Variants in KCNG3 observed in about 807,000 individuals in gnomAD.
The protein encoded by KCNG3 is voltage-gated potassium channel regulatory subunit KCNG3.
Under a neutral mutation model 29.0 loss-of-function variants are expected in KCNG3, and 15 were observed. The observed-to-expected ratio is 0.52, with a 90% confidence interval of 0.35 to 0.80. KCNG3 has a LOEUF of 0.80. Ranked by LOEUF, KCNG3 falls within the 30% of genes least tolerant of loss-of-function variation. KCNG3 has a pLI of 0.01. For synonymous variants in KCNG3, 322 were observed against 248.9 expected, an observed-to-expected ratio of 1.29 and a Z score of -2.76; for missense variants, 512 against 605.7, an observed-to-expected ratio of 0.85 and a Z score of 1.62.
chr2:42,449,514 C>CTTTT (rs36088470), intron 1 of KCNG3, among the ~76,000 whole-genome samples: 9 of 99,428 alleles, frequency 9.1e-5, no homozygotes, highest in Non-Finnish European at 1.2e-4. Context: ...ACTGAGATTT[C>CTTTT]TTTTTTTTTT....
intron 1 of KCNG3, among the ~76,000 whole-genome samples, chr2:42,468,954 C>CAAA (rs61287684): frequency 1.4e-4 from 8 of 57,082 alleles, no homozygotes; most frequent in African/African-American, 4.3e-4. Context: ...ACTCCGTCTC[C>CAAA]AAAAAAAAAA....
chr2:42,490,708 G>C (rs1383092092), intron 1 of KCNG3, among the ~76,000 whole-genome samples: 1 of 152,298 alleles, frequency 6.6e-6, no homozygotes, highest in South Asian at 2.1e-4. Flanking sequence ...AGTCAAGATC[G>C]GCAGGTTGTC....
chr2:42,429,481 CTT>C, the KCNG3 span, among the ~76,000 whole-genome samples: 2 of 152,328 alleles, frequency 1.3e-5, no homozygotes, highest in African/African-American at 4.8e-5. Context: ...ATTTTCTACT[CTT>C]GAGTATACCA....
chr2:42,481,477 C>T (rs1245316934), intron 1 of KCNG3, among the ~76,000 whole-genome samples: 1 of 152,118 alleles, frequency 6.6e-6, no homozygotes, highest in Non-Finnish European at 1.5e-5. Flanking sequence ...CTTGCAGGAC[C>T]CTGGAGTCTA....
intron 1 of KCNG3, among the ~76,000 whole-genome samples, chr2:42,480,996 G>C (rs991135795): frequency 6.6e-6 from 1 of 152,092 alleles, no homozygotes; most frequent in Non-Finnish European, 1.5e-5. Context: ...GGCCAAGCTG[G>C]TCTCGAACTC....
chr2:42,468,534 C>T (rs1308148310), intron 1 of KCNG3, among the ~76,000 whole-genome samples: 1 of 151,958 alleles, frequency 6.6e-6, no homozygotes, highest in African/African-American at 2.4e-5. Context: ...AGATATAAAT[C>T]TAACAAAAGA....
At chr2:42,451,936 A>G (rs1026141850) in intron 1 of KCNG3, among the ~76,000 whole-genome samples, 7 of 152,034 alleles carry the variant, frequency 4.6e-5, no homozygotes, top group African/African-American at 1.7e-4. Context: ...CAACAAAGAT[A>G]CAATCAAGAG....
chr2:42,487,514 A>AGCATCAATATATGTAAAG (rs1251323557), intron 1 of KCNG3, among the ~76,000 whole-genome samples: 2 of 152,106 alleles, frequency 1.3e-5, no homozygotes, highest in African/African-American at 4.8e-5. Context: ...AAGCAAGATG[A>AGCATCAATATATGTAAAG]ATGACTCCTC....
At chr2:42,461,330 T>C (rs1673013056) in intron 1 of KCNG3, among the ~76,000 whole-genome samples, 1 of 151,878 alleles carries the variant, frequency 6.6e-6, no homozygotes, top group African/African-American at 2.4e-5. Context: ...CTGAACTGGC[T>C]CCATGGACAA....
chr2:42,460,129 T>A (rs1158652559), intron 1 of KCNG3, among the ~76,000 whole-genome samples: 1 of 151,896 alleles, frequency 6.6e-6, no homozygotes, highest in Non-Finnish European at 1.5e-5. Flanking sequence ...TTTGAGAGGT[T>A]GAGGTGGGAG....
chr2:42,492,061 A>G (rs1425431556), intron 1 of KCNG3, among the ~76,000 whole-genome samples: 4 of 152,232 alleles, frequency 2.6e-5, no homozygotes, highest in Admixed American at 6.5e-5. Context: ...AAAGACTGCA[A>G]TATTTTCCCA....
At chr2:42,445,976 C>T (rs966965836) in intron 1 of KCNG3, among the ~76,000 whole-genome samples, 2 of 151,898 alleles carry the variant, frequency 1.3e-5, no homozygotes, top group African/African-American at 4.8e-5. Flanking sequence ...TTCTGCCCAC[C>T]TCAGCCTCCC....
chr2:42,477,029 A>T (rs1673443417), intron 1 of KCNG3, among the ~76,000 whole-genome samples: 1 of 147,436 alleles, frequency 6.8e-6, no homozygotes, highest in African/African-American at 2.5e-5. Context: ...ACTAAAAAAT[A>T]TAAAAAAAAA....
chr2:42,404,320 A>G, the KCNG3 span, among the ~76,000 whole-genome samples: 7 of 152,192 alleles, frequency 4.6e-5, no homozygotes, highest in Non-Finnish European at 7.4e-5. Context: ...CCCCTGTTTC[A>G]ATGAAGGGAA....
chr2:42,397,664 T>C, the KCNG3 span, among the ~76,000 whole-genome samples: 1 of 152,164 alleles, frequency 6.6e-6, no homozygotes, highest in African/African-American at 2.4e-5. Flanking sequence ...TGGGAGGAGG[T>C]ACATTACAAT....
At chr2:42,478,127 G>T (rs1673486364) in intron 1 of KCNG3, among the ~76,000 whole-genome samples, 2 of 152,080 alleles carry the variant, frequency 1.3e-5, no homozygotes, top group African/African-American at 2.4e-5. Flanking sequence ...TAAAACCATG[G>T]TTCTCAAACT....
the KCNG3 span, among the ~76,000 whole-genome samples, chr2:42,425,515 C>A: frequency 1.3e-5 from 2 of 151,524 alleles, no homozygotes; most frequent in African/African-American, 4.9e-5. Flanking sequence ...GGAGGAGGAT[C>A]ATGTGGTCTT....
the KCNG3 span, among the ~76,000 whole-genome samples, chr2:42,405,822 G>A: frequency 1.3e-5 from 2 of 152,170 alleles, no homozygotes; most frequent in Admixed American, 6.5e-5. Context: ...TAGCCAGGAT[G>A]GTCTCGATCT....
intron 1 of KCNG3, among the ~76,000 whole-genome samples, chr2:42,446,461 G>A (rs1179413622): frequency 1.3e-5 from 2 of 151,992 alleles, no homozygotes; most frequent in Non-Finnish European, 2.9e-5. Flanking sequence ...TTACAGGCAT[G>A]AGCCACCATG....
Sources: allele counts gnomAD v4.1 joint callset (sites outside exome capture counted in the v4.1 genomes callset), GRCh38; gene constraint gnomAD v4.1.1; transcripts MANE v1.5; gene names NCBI Gene and HGNC (gene_info 2026-07-23, HGNC 2026-07-21).